Variants in CSMD1 observed in about 807,000 individuals in gnomAD.
The protein encoded by CSMD1 is CUB and Sushi multiple domains 1, also known as CUB and sushi domain-containing protein 1.
CSMD1 carries 213 observed loss-of-function variants against 417.5 expected under a neutral mutation model. That is an observed-to-expected ratio of 0.51 (90% CI 0.46 to 0.57). The LOEUF (loss-of-function observed/expected upper bound fraction) is 0.57. Ranked by LOEUF, CSMD1 falls within the 20% of genes least tolerant of loss-of-function variation. The pLI, the probability that CSMD1 is intolerant of heterozygous loss-of-function variation, is 0.00. For synonymous variants in CSMD1, 2,862 were observed against 1,736.8 expected (o/e 1.65, Z -16.11); for missense variants, 6,923 against 4,529.7 (o/e 1.53, Z -15.17).
At chr8:4,112,882 C>T (rs888021835) in intron 3 of CSMD1, among the ~76,000 whole-genome samples, 5 of 152,150 alleles carry the variant, frequency 3.3e-5, no homozygotes, top group South Asian at 2.1e-4. Context: ...CTTGTACCAA[C>T]GTGGCATCAA....
chr8:4,106,956 G>A (rs758417912), intron 3 of CSMD1, among the ~76,000 whole-genome samples: 4 of 152,176 alleles, frequency 2.6e-5, no homozygotes, highest in Non-Finnish European at 5.9e-5. Flanking sequence ...GTTTCACAGG[G>A]AGAAGCTCTA....
Position 3,355,221 on chromosome 8 carries a change from C to T in CSMD1, c.3304+3931G>A, listed in dbSNP as rs146836751. ...TTTTAAAAAAATCTCTTACTAGATA[C>T]GGATTTAAGGCTTATGCTGATGTAT... On this transcript the variant is annotated intron_variant, in intron 21 of 69. Coordinates refer to ENST00000635120, the MANE Select transcript of CSMD1 (RefSeq NM_033225.6). 1.8e-3 allele frequency among the ~76,000 whole-genome samples: 272 copies of T among 152,034 alleles called. 1 individual carries two copies. The highest frequency in any genetic ancestry group is 5.3e-3 in the African/African-American group (218 of 41,456).
At chr8:3,152,908 G>T (rs142791551) in intron 39 of CSMD1, among the ~76,000 whole-genome samples, 1 of 152,286 alleles carries the variant, frequency 6.6e-6, no homozygotes, top group Non-Finnish European at 1.5e-5. Flanking sequence ...TTCCCTTAGG[G>T]CTCGTGGGAC....
intron 1 of CSMD1, among the ~76,000 whole-genome samples, chr8:4,696,098 C>G (rs989754819): frequency 1.3e-5 from 2 of 152,102 alleles, no homozygotes; most frequent in African/African-American, 4.8e-5. Context: ...CAATCAACAG[C>G]CTTCAACAAG....
chr8:4,440,582 C>G (rs73660809), intron 2 of CSMD1, among the ~76,000 whole-genome samples: 5,249 of 152,174 alleles, frequency 0.034, 293 homozygotes, highest in African/African-American at 0.12. Flanking sequence ...AGATGCAAAA[C>G]CAACTTTAGC....
At chr8:3,825,590 G>A (rs1019457020) in intron 5 of CSMD1, among the ~76,000 whole-genome samples, 1 of 152,100 alleles carries the variant, frequency 6.6e-6, no homozygotes, top group Admixed American at 6.6e-5. Context: ...GAAGAGTGGG[G>A]GAAGGGATTA....
intron 3 of CSMD1, among the ~76,000 whole-genome samples, chr8:4,134,326 T>A (rs1803289242): frequency 6.6e-6 from 1 of 152,152 alleles, no homozygotes; most frequent in South Asian, 2.1e-4. Context: ...TATAAAGACA[T>A]CTTTAAGGTG....
intron 3 of CSMD1, among the ~76,000 whole-genome samples, chr8:4,068,705 T>C (rs943149792): frequency 3.9e-5 from 6 of 152,078 alleles, no homozygotes; most frequent in African/African-American, 1.4e-4. Context: ...AGATATCTAG[T>C]GGGGAAAAAA....
intron 49 of CSMD1, among the ~76,000 whole-genome samples, chr8:3,055,178 C>G (rs111543681): frequency 6.6e-5 from 10 of 152,248 alleles, no homozygotes; most frequent in African/African-American, 2.2e-4. Context: ...GATGAAGCCC[C>G]ATCACAAAAC....
intron 49 of CSMD1, among the ~76,000 whole-genome samples, chr8:3,061,605 G>A (rs11994799): frequency 0.67 from 101,673 of 151,814 alleles, 34,362 homozygotes; most frequent in Non-Finnish European, 0.71. Flanking sequence ...GAGCTTACAC[G>A]AACCAGCACC....
intron 3 of CSMD1, among the ~76,000 whole-genome samples, chr8:4,094,775 C>T (rs565308086): frequency 6.6e-6 from 1 of 152,278 alleles, no homozygotes; most frequent in African/African-American, 2.4e-5. Context: ...TGAGCTAACA[C>T]TGCGCATGGA....
rs151199435 is a variant in CSMD1, at chr8:2,999,255, A to G, written c.8203+703T>C. On this transcript the variant is annotated intron_variant, in intron 53 of 69. Coordinates refer to ENST00000635120, the MANE Select transcript of CSMD1 (RefSeq NM_033225.6). ...CTGCAACCTCCATCTCCAGGGTTCA[A>G]GCAATTCTCCTGCTTCAGCCCCTCC... Among the ~76,000 whole-genome samples the G allele has an allele frequency of 1.9e-3, 283 of 150,976 alleles. 1 individual carries two copies. The highest frequency in any genetic ancestry group is 6.7e-3 in the African/African-American group (275 of 41,100).
intron 5 of CSMD1, among the ~76,000 whole-genome samples, chr8:3,994,074 A>C (rs1814972503): frequency 6.6e-6 from 1 of 152,192 alleles, no homozygotes; most frequent in Admixed American, 6.5e-5. Flanking sequence ...AGGCACACTG[A>C]GGCTTCCAGG....
At chr8:3,718,986 G>A (rs1001996395) in intron 6 of CSMD1, among the ~76,000 whole-genome samples, 2 of 152,090 alleles carry the variant, frequency 1.3e-5, no homozygotes, top group African/African-American at 4.8e-5. Context: ...CAAAGGGGGA[G>A]GCAGAACAAG....
intron 1 of CSMD1, among the ~76,000 whole-genome samples, chr8:4,986,937 T>G (rs1408226191): frequency 6.6e-6 from 1 of 152,152 alleles, no homozygotes; most frequent in Admixed American, 6.6e-5. Context: ...GACAGATTGA[T>G]AGACTCTACC....
intron 3 of CSMD1, among the ~76,000 whole-genome samples, chr8:4,089,228 G>A (rs1168126008): frequency 6.6e-6 from 1 of 152,144 alleles, no homozygotes; most frequent in Non-Finnish European, 1.5e-5. Context: ...GCTCCATAAG[G>A]ACATGGGTCA....
At chr8:3,331,106 C>T (rs186712431) in intron 23 of CSMD1, among the ~76,000 whole-genome samples, 1,826 of 151,966 alleles carry the variant, frequency 0.012, 43 homozygotes, top group African/African-American at 0.042. Flanking sequence ...GGCGTGGTGG[C>T]GGGTGCCTGT....
intron 3 of CSMD1, among the ~76,000 whole-genome samples, chr8:4,090,362 A>C (rs541813707): frequency 2.6e-5 from 4 of 152,298 alleles, no homozygotes; most frequent in African/African-American, 9.6e-5. Flanking sequence ...CCTTAAAAAT[A>C]AATTACAAAG....
chr8:4,945,175 T>C (rs1808285455), intron 1 of CSMD1, among the ~76,000 whole-genome samples: 1 of 152,108 alleles, frequency 6.6e-6, no homozygotes, highest in African/African-American at 2.4e-5. Flanking sequence ...TGATCCCAAA[T>C]ACATGAGGTT....
Sources: gnomAD v4.1 joint callset for allele counts (sites outside exome capture counted in the v4.1 genomes callset) on GRCh38, gnomAD v4.1.1 for gene constraint, MANE v1.5 for transcripts, NCBI Gene and HGNC (gene_info 2026-07-23, HGNC 2026-07-21) for gene names.